EEPD1: variants seen among roughly 807,000 people sequenced by gnomAD.
EEPD1 encodes the protein endonuclease/exonuclease/phosphatase family domain containing 1, also known as endonuclease/exonuclease/phosphatase family domain-containing protein 1.
Under a neutral mutation model 46.3 loss-of-function variants are expected in EEPD1, and 17 were observed. The ratio of observed to expected loss-of-function variants is 0.37; its 90% CI spans 0.25 to 0.55. The LOEUF (loss-of-function observed/expected upper bound fraction) is 0.55, where lower values mean the gene tolerates loss of function less well. EEPD1 is among the 20% of genes least tolerant of loss of function. The pLI is 0.83. For synonymous variants in EEPD1, 313 were observed against 315.6 expected, an observed-to-expected ratio of 0.99 and a Z score of 0.09; for missense variants, 673 against 745.6, an observed-to-expected ratio of 0.90 and a Z score of 1.13.
intron 2 of EEPD1, among the ~76,000 whole-genome samples, chr7:36,224,967 T>C (rs547173793): frequency 6.6e-6 from 1 of 151,822 alleles, no homozygotes; most frequent in African/African-American, 2.4e-5. Flanking sequence ...GGAGATGTGA[T>C]GATAGGAGAG....
rs192379538 is a variant in EEPD1 at position 36,272,965 on chromosome 7, G to A, written c.931-8150G>A. Among the ~76,000 whole-genome samples, 356 of 152,294 alleles carry A rather than the reference G, an allele frequency of 2.3e-3. 1 individual carries two copies. Among genetic ancestry groups the A allele is most frequent in the Non-Finnish European group, 4.3e-3 (293 of 68,028 alleles). Reference sequence around the variant, plus strand: ...GGAGTGGGCATGGCCCACCAGCCCCGGCCCCTCCTGGGAGGAAAGTTGACC... The same window carrying A: ...GGAGTGGGCATGGCCCACCAGCCCCAGCCCCTCCTGGGAGGAAAGTTGACC... On this transcript the variant is annotated intron_variant, in intron 3 of 7. Coordinates refer to ENST00000242108, the MANE Select transcript of EEPD1 (RefSeq NM_030636.3).
At chr7:36,215,922 C>G (rs1336227261) in intron 2 of EEPD1, among the ~76,000 whole-genome samples, 2 of 152,174 alleles carry the variant, frequency 1.3e-5, no homozygotes, top group Non-Finnish European at 2.9e-5. Flanking sequence ...TAGCCAAAGA[C>G]AAAGAGAGGA....
At chr7:36,192,538 A>C (rs189487746) in intron 2 of EEPD1, among the ~76,000 whole-genome samples, 27 of 152,090 alleles carry the variant, frequency 1.8e-4, no homozygotes, top group Middle Eastern at 3.4e-3. Context: ...TAACAATTAC[A>C]TACATATTGA....
chr7:36,296,951 TCC>T, intron 6 of EEPD1, 40 bp from the exon 7 acceptor site: 1 of 1,601,018 alleles, frequency 6.2e-7, no homozygotes, highest in South Asian at 1.1e-5. Context: ...GGGTTTTACT[TCC>T]CAACAACTCT....
At chr7:36,201,545 T>C (rs1262815235) in intron 2 of EEPD1, among the ~76,000 whole-genome samples, 1 of 152,206 alleles carries the variant, frequency 6.6e-6, no homozygotes, top group African/African-American at 2.4e-5. Context: ...TTCTGTTTCC[T>C]GATCTGCAAC....
intron 3 of EEPD1, 55 bp downstream of exon 3, chr7:36,239,091 A>G (rs951300759): frequency 1.3e-5 from 20 of 1,569,074 alleles, no homozygotes; most frequent in Middle Eastern, 1.7e-4. Context: ...AGGGCCACAC[A>G]TAAGAAAAAT....
At chr7:36,218,002 A>G (rs1786060909) in intron 2 of EEPD1, among the ~76,000 whole-genome samples, 1 of 152,144 alleles carries the variant, frequency 6.6e-6, no homozygotes, top group African/African-American at 2.4e-5. Flanking sequence ...TCAGTTAATC[A>G]CTCTTACTCT....
chr7:36,213,061 G>T (rs1583812331), intron 2 of EEPD1, among the ~76,000 whole-genome samples: 1 of 152,212 alleles, frequency 6.6e-6, no homozygotes. Context: ...GCTGAGGCAG[G>T]AGAATGGCTT....
intron 2 of EEPD1, among the ~76,000 whole-genome samples, chr7:36,158,273 C>T (rs536346141): frequency 1.5e-4 from 23 of 152,176 alleles, no homozygotes; most frequent in Non-Finnish European, 2.9e-4. Context: ...TTTGTAAGCA[C>T]GACACCTTTA....
chr7:36,172,727 A>G (rs1233536414), intron 2 of EEPD1, among the ~76,000 whole-genome samples: 2 of 148,522 alleles, frequency 1.3e-5, no homozygotes, highest in East Asian at 2.0e-4. Context: ...AAGCCAAAAG[A>G]TTGTACACCT....
intron 3 of EEPD1, among the ~76,000 whole-genome samples, chr7:36,275,925 TC>T (rs34740623): frequency 0.12 from 18,700 of 152,168 alleles, 1,564 homozygotes; most frequent in Non-Finnish European, 0.18. Flanking sequence ...AGTCACCTGA[TC>T]CACGGCCGAC....
intron 2 of EEPD1, among the ~76,000 whole-genome samples, chr7:36,213,298 G>T (rs192816624): frequency 1.3e-5 from 2 of 152,200 alleles, no homozygotes; most frequent in Non-Finnish European, 2.9e-5. Flanking sequence ...GGATGAAGTG[G>T]GGAATGGGGG....
intron 2 of EEPD1, among the ~76,000 whole-genome samples, chr7:36,164,771 G>C (rs1784955924): frequency 6.6e-6 from 1 of 152,172 alleles, no homozygotes; most frequent in Non-Finnish European, 1.5e-5. Flanking sequence ...GAAAATTCCT[G>C]TTGCCTGGTG....
chr7:36,187,159 C>T (rs62445397), intron 2 of EEPD1, among the ~76,000 whole-genome samples: 6,084 of 152,224 alleles, frequency 0.04, 220 homozygotes, highest in Admixed American at 0.11. Flanking sequence ...TCCTCTTTAC[C>T]TCCTTTTCAA....
chr7:36,203,739 GAA>G (rs1785760508), intron 2 of EEPD1, among the ~76,000 whole-genome samples: 1 of 152,130 alleles, frequency 6.6e-6, no homozygotes, highest in Non-Finnish European at 1.5e-5. Context: ...TTTTTAGTTA[GAA>G]AAAGTGTCAT....
At chr7:36,161,371 C>G (rs747252850) in intron 2 of EEPD1, among the ~76,000 whole-genome samples, 1 of 152,116 alleles carries the variant, frequency 6.6e-6, no homozygotes, top group Non-Finnish European at 1.5e-5. Context: ...AGCACAGGGA[C>G]TTGGTCGCTG....
chr7:36,204,123 C>T (rs554337035), intron 2 of EEPD1, among the ~76,000 whole-genome samples: 3 of 151,566 alleles, frequency 2.0e-5, no homozygotes, highest in African/African-American at 7.3e-5. Flanking sequence ...CAGCCTTGAC[C>T]CCCTGGACTC....
intron 4 of EEPD1, among the ~76,000 whole-genome samples, chr7:36,284,166 C>T (rs1787304904): frequency 6.6e-6 from 1 of 152,254 alleles, no homozygotes; most frequent in African/African-American, 2.4e-5. Flanking sequence ...CAACTGCGAC[C>T]TCCACTCACC....
chr7:36,246,120 AC>A (rs985353874), intron 3 of EEPD1, among the ~76,000 whole-genome samples: 1 of 152,228 alleles, frequency 6.6e-6, no homozygotes, highest in Non-Finnish European at 1.5e-5. Context: ...CAGAGGGCGG[AC>A]CACTGGCTGA....
Sources: gnomAD v4.1 joint callset for allele counts (sites outside exome capture counted in the v4.1 genomes callset) on GRCh38, gnomAD v4.1.1 for gene constraint, MANE v1.5 for transcripts, NCBI Gene and HGNC (gene_info 2026-07-23, HGNC 2026-07-21) for gene names.